Variants in SLC4A4 observed in about 807,000 individuals in gnomAD.
SLC4A4 encodes electrogenic sodium bicarbonate cotransporter 1.
Under a neutral mutation model 111.5 loss-of-function variants are expected in SLC4A4, and 27 were observed. That is an observed-to-expected ratio of 0.24 (90% confidence interval 0.18 to 0.33). The LOEUF is 0.33. Ranked by LOEUF, SLC4A4 falls within the 10% of genes least tolerant of loss-of-function variation. The probability of loss-of-function intolerance (pLI) is 1.00; values close to 1 mark genes in which losing one functional copy is unlikely to be tolerated. For synonymous variants in SLC4A4, 443 were observed against 463.4 expected (o/e 0.96, Z 0.57); for missense variants, 909 against 1,315.5 (o/e 0.69, Z 4.78).
At chr4:71,332,506 G>A (rs1171706214) in intron 3 of SLC4A4, among the ~76,000 whole-genome samples, 2 of 149,624 alleles carry the variant, frequency 1.3e-5, no homozygotes, top group Admixed American at 6.7e-5. Flanking sequence ...GTGCTGTGGC[G>A]CGATCTCCGC....
At chr4:71,491,123 A>G (rs1729863946) in intron 15 of SLC4A4, among the ~76,000 whole-genome samples, 1 of 151,856 alleles carries the variant, frequency 6.6e-6, no homozygotes. Context: ...AAGCAGAACA[A>G]CCAGTTTATC....
At chr4:71,291,910 A>G (rs1401194609) in intron 3 of SLC4A4, among the ~76,000 whole-genome samples, 1 of 152,122 alleles carries the variant, frequency 6.6e-6, no homozygotes, top group Non-Finnish European at 1.5e-5. Flanking sequence ...TTCTGTGGGT[A>G]TAGTCGGTGT....
chr4:71,369,763 C>T (rs1204703665), intron 6 of SLC4A4, among the ~76,000 whole-genome samples: 1 of 152,088 alleles, frequency 6.6e-6, no homozygotes, highest in Non-Finnish European at 1.5e-5. Context: ...TGCACTTTCC[C>T]ACAGGTTTCT....
intron 13 of SLC4A4, among the ~76,000 whole-genome samples, chr4:71,470,113 A>C (rs1490485751): frequency 6.6e-6 from 1 of 152,012 alleles, no homozygotes; most frequent in Non-Finnish European, 1.5e-5. Context: ...AAGTAACAGA[A>C]CTGTATTTCT....
At chr4:71,215,619 T>C (rs1055572922) in intron 1 of SLC4A4, among the ~76,000 whole-genome samples, 2 of 152,194 alleles carry the variant, frequency 1.3e-5, no homozygotes, top group Admixed American at 1.3e-4. Flanking sequence ...TAAGTGTGAA[T>C]TTCCATCTCT....
intron 12 of SLC4A4, among the ~76,000 whole-genome samples, chr4:71,465,292 T>C (rs1462532833): frequency 6.6e-6 from 1 of 152,094 alleles, no homozygotes; most frequent in African/African-American, 2.4e-5. Flanking sequence ...TTTAAAGCTA[T>C]AGAATTTCTT....
Position 71,536,458 on chromosome 4 carries a change from A to ATATATATATATATATATG in SLC4A4, c.2442+2076_2442+2077insTATATATATATGTATATA, listed in dbSNP as rs1292521858. On this transcript the variant is annotated intron_variant, in intron 18 of 25. Transcript: ENST00000264485. ...CATTTAAGCATATATACATATATACATATATACATATATATATATATATAT... is the reference window on the plus strand; with the variant it reads ...CATTTAAGCATATATACATATATACATATATATATATATATATGTATATACATATATATATATATATAT... Among the ~76,000 whole-genome samples the ATATATATATATATATATG allele has an allele frequency of 5.4e-4, 9 of 16,622 alleles. 1 individual carries two copies. Among genetic ancestry groups the ATATATATATATATATATG allele is most frequent in the Admixed American group, 2.6e-3 (3 of 1,164 alleles). The allele number at this position is 16,622 out of a possible 152,430, so 10.9% of individuals were successfully genotyped here.
chr4:71,267,937 A>G (rs867166562), intron 3 of SLC4A4, among the ~76,000 whole-genome samples: 2 of 152,010 alleles, frequency 1.3e-5, no homozygotes. Context: ...CTGAGTTTAA[A>G]TGGAGCTTTA....
chr4:71,439,268 A>G (rs2149055014), intron 7 of SLC4A4, among the ~76,000 whole-genome samples: 1 of 151,406 alleles, frequency 6.6e-6, no homozygotes, highest in Non-Finnish European at 1.5e-5. Flanking sequence ...CTCTACTAAA[A>G]GACGAAAAAA....
Position 71,546,395 on chromosome 4 carries a change from A to G in SLC4A4, c.2488A>G (p.Met830Val). The G allele has an allele frequency of 6.2e-7, 1 of 1,612,878 alleles. No homozygotes were observed. Among genetic ancestry groups the G allele is most frequent in the Non-Finnish European group, 8.5e-7 (1 of 1,179,156 alleles). Residue 830 changes from methionine (M) to valine (V), a missense_variant, in exon 19 of 26, where the codon ATG becomes GTG. This residue lies in a region of SLC4A4 where 264 missense variants were observed against 356.8 expected (regional missense o/e 0.74). Transcript: ENST00000264485. The part of the protein sequence containing the change: ...HLDLFWVAIL[M>V]VICSLMALPW... Reference sequence around the variant, plus strand: ...GGATCTCTTTTGGGTGGCCATCCTCATGGTTATATGCTCCCTCATGGCTCT... The same window carrying G: ...GGATCTCTTTTGGGTGGCCATCCTCGTGGTTATATGCTCCCTCATGGCTCT...
Position 71,429,196 on chromosome 4 carries a change from C to T in SLC4A4, c.808-11420C>T, listed in dbSNP as rs557906644. The stretch of plus-strand genomic sequence containing the variant: ...ATGATTATCCCACCCATATAGATAA[C>T]CTAAAATATGTGAACTGCTTTCATA... On this transcript the variant is annotated intron_variant, in intron 7 of 25. Transcript: ENST00000264485. Among the ~76,000 whole-genome samples the T allele has an allele frequency of 4.6e-5, 7 of 152,070 alleles. No individual in the cohort carries two copies. In the East Asian group the frequency reaches 5.8e-4, roughly 13 times the overall value.
At chr4:71,499,916 G>A (rs908425317) in intron 16 of SLC4A4, among the ~76,000 whole-genome samples, 1 of 152,182 alleles carries the variant, frequency 6.6e-6, no homozygotes, top group Non-Finnish European at 1.5e-5. Context: ...TTGAGATCAT[G>A]ATTTCATTTC....
intron 7 of SLC4A4, among the ~76,000 whole-genome samples, chr4:71,399,792 T>G: frequency 6.6e-6 from 1 of 152,082 alleles, no homozygotes; most frequent in Non-Finnish European, 1.5e-5. Context: ...AGGTCAGGAC[T>G]AATTTCTTTA....
intron 1 of SLC4A4, among the ~76,000 whole-genome samples, chr4:71,089,424 G>C (rs1742307925): frequency 3.3e-5 from 5 of 152,024 alleles, no homozygotes; most frequent in Admixed American, 3.3e-4. Flanking sequence ...GTCCAGCTTT[G>C]TTCCATTGCT....
chr4:71,102,219 GA>G (rs1742767369), intron 2 of SLC4A4, among the ~76,000 whole-genome samples: 1 of 149,942 alleles, frequency 6.7e-6, no homozygotes, highest in African/African-American at 2.5e-5. Flanking sequence ...GAAGTTTAGA[GA>G]AAAAAGAATA....
At chr4:71,076,966 G>A (rs913705253) in intron 1 of SLC4A4, among the ~76,000 whole-genome samples, 1 of 151,030 alleles carries the variant, frequency 6.6e-6, no homozygotes, top group Non-Finnish European at 1.5e-5. Flanking sequence ...CTCTAGCATG[G>A]GCAAAAGTGA....
At chr4:71,143,456 A>G (rs1270961060) in intron 2 of SLC4A4, among the ~76,000 whole-genome samples, 1 of 152,150 alleles carries the variant, frequency 6.6e-6, no homozygotes, top group East Asian at 1.9e-4. Flanking sequence ...TCCTTTGGGT[A>G]TATACCCAGT....
At chr4:71,203,363 A>G (rs949052519) in intron 1 of SLC4A4, among the ~76,000 whole-genome samples, 1 of 152,198 alleles carries the variant, frequency 6.6e-6, no homozygotes, top group Non-Finnish European at 1.5e-5. Context: ...ATGATCTTTC[A>G]CTGCGTAAGA....
chr4:71,068,647 C>T lies in SLC4A4; in HGVS notation c.-65+5859C>T, dbSNP rs76750743. The stretch of plus-strand genomic sequence containing the variant: ...ACCGCTCACTGCAACCTGCAACCTC[C>T]GCCTCTCAGTGTCAAGTGATCCTCC... On this transcript the variant is annotated intron_variant, in intron 1 of 26. Transcript: ENST00000649996. Among the ~76,000 whole-genome samples the T allele has an allele frequency of 3.1e-3, 477 of 151,964 alleles. 17 individuals carry two copies. The East Asian group carries it at 0.083, about 26-fold the overall frequency.
Sources: allele counts gnomAD v4.1 joint callset (sites outside exome capture counted in the v4.1 genomes callset), GRCh38; gene constraint gnomAD v4.1.1; regional missense constraint gnomAD v4.1.1; transcripts MANE v1.5; gene names NCBI Gene and HGNC (gene_info 2026-07-23, HGNC 2026-07-21).